The following DNAH7 variants were observed in gnomAD, a reference collection of about 807,000 sequenced individuals.
The protein encoded by DNAH7 is axonemal beta dynein heavy chain 7.
A neutral mutation model predicts 444.6 loss-of-function variants in DNAH7; 397 were observed. The ratio of observed to expected loss-of-function variants is 0.89; its 90% CI spans 0.82 to 0.97. The LOEUF is 0.97. Among genes scored for constraint, DNAH7 ranks in the 50% least tolerant of loss-of-function variants. The pLI, the probability that DNAH7 is intolerant of heterozygous loss-of-function variation, is 0.00. For synonymous variants in DNAH7, 1,636 were observed against 1,624.4 expected, an observed-to-expected ratio of 1.01 and a Z score of -0.17; for missense variants, 4,902 against 4,800.8, an observed-to-expected ratio of 1.02 and a Z score of -0.62.
chr2:195,965,007 C>T (rs75251318), intron 17 of DNAH7, among the ~76,000 whole-genome samples: 1 of 152,132 alleles, frequency 6.6e-6, no homozygotes. Context: ...TATGTTGACT[C>T]ACAGTGGTGA....
intron 34 of DNAH7, among the ~76,000 whole-genome samples, chr2:195,885,158 A>C (rs376038550): frequency 8.3e-4 from 127 of 152,374 alleles, no homozygotes; most frequent in African/African-American, 3.0e-3. Context: ...CACTTTAATA[A>C]GGCAAATAAC....
At chr2:195,924,705 C>T (rs1688226236) in intron 22 of DNAH7, among the ~76,000 whole-genome samples, 1 of 151,252 alleles carries the variant, frequency 6.6e-6, no homozygotes, top group Non-Finnish European at 1.5e-5. Context: ...TCTAGTAACT[C>T]TCACATAAGC....
At chr2:196,023,945 G>A (rs1160290167) in intron 8 of DNAH7, among the ~76,000 whole-genome samples, 6 of 152,314 alleles carry the variant, frequency 3.9e-5, no homozygotes, top group Admixed American at 3.9e-4. Flanking sequence ...GTGACTGGTT[G>A]GTGGAGGAGT....
chr2:195,878,663 T>C (rs1242078329), intron 36 of DNAH7, among the ~76,000 whole-genome samples: 1 of 152,146 alleles, frequency 6.6e-6, no homozygotes, highest in East Asian at 1.9e-4. Flanking sequence ...TGTGAACAGT[T>C]TGGCAGTGAG....
intron 40 of DNAH7, among the ~76,000 whole-genome samples, chr2:195,869,166 T>G (rs923243437): frequency 7.9e-5 from 12 of 151,932 alleles, no homozygotes; most frequent in African/African-American, 2.9e-4. Context: ...GCGTCCCTTC[T>G]AGAGTGCTTC....
rs772538046 is a variant in DNAH7 at position 195,777,920 on chromosome 2, A to T, written c.10944T>A (p.Asp3648Glu). The change falls in exon 59 of 65, where the codon GAT (aspartate) becomes GAA (glutamate). Residue 3648 changes from aspartate (D) to glutamate (E), a missense_variant. By Grantham distance (45) the Asp-to-Glu change is conservative (BLOSUM62 2). Transcript: ENST00000312428. ...GECNYGGRVT[D>E]DWDRRTLRSI... ...TGCGCAGCGTGCGCCGGTCCCAGTC[A>T]TCGGTCACTCTGCCTCCGTAATTGC... is the stretch of plus-strand genomic sequence containing the variant. 2.5e-6 allele frequency: 4 copies of T among 1,614,074 alleles called. No individual in the cohort carries two copies. The highest frequency in any genetic ancestry group is 3.4e-6 in the Non-Finnish European group (4 of 1,180,020).
intron 9 of DNAH7, among the ~76,000 whole-genome samples, chr2:196,016,411 G>T (rs1414605481): frequency 6.6e-6 from 1 of 152,126 alleles, no homozygotes; most frequent in Non-Finnish European, 1.5e-5. Context: ...CAAAAGAAAA[G>T]AAATGACAAA....
rs766703917 is a variant in DNAH7 at position 195,789,623 on chromosome 2, C to T, written c.10717-2452G>A. On this transcript the variant is annotated intron_variant, in intron 57 of 64. Transcript: ENST00000312428. Reference sequence around the variant, plus strand: ...TATACAGTGAGGAAATAAGGCAATACTTTGTCTTGGTGATCAGAATTAGTA... The same window carrying T: ...TATACAGTGAGGAAATAAGGCAATATTTTGTCTTGGTGATCAGAATTAGTA... 5.5e-4 allele frequency among the ~76,000 whole-genome samples: 84 copies of T among 152,014 alleles called. 1 individual carries two copies. The highest frequency in any genetic ancestry group is 1.3e-4 in the Non-Finnish European group (9 of 68,004).
chr2:195,763,430 A>G (rs1694438475), intron 61 of DNAH7, among the ~76,000 whole-genome samples: 1 of 152,214 alleles, frequency 6.6e-6, no homozygotes, highest in East Asian at 1.9e-4. Flanking sequence ...TAATCAACAA[A>G]ATGAAAAGTT....
intron 24 of DNAH7, among the ~76,000 whole-genome samples, chr2:195,912,126 G>C (rs1007828185): frequency 1.3e-5 from 2 of 152,154 alleles, no homozygotes; most frequent in Non-Finnish European, 2.9e-5. Context: ...GTAAGTGAGT[G>C]ATCAGGAGTG....
chr2:195,804,975 G>T (rs893943821), intron 54 of DNAH7, among the ~76,000 whole-genome samples: 1 of 152,036 alleles, frequency 6.6e-6, no homozygotes, highest in Non-Finnish European at 1.5e-5. Context: ...AACCTCCAAT[G>T]ATTTAAAAAC....
rs768300477 is a variant in DNAH7, at chr2:195,988,060, T to A, written c.1523A>T (p.Asp508Val). ...ATTTTCTGCGAGGAAGTTATCAACA[T>A]CTCGCTCAGCTTTTCTGGTAATTAA... ...DFLITRKAER[D>V]VDNFLAENHS... The change falls in exon 13 of 65, where the codon GAT (aspartate) becomes GTT (valine). Residue 508 changes from aspartate (D) to valine (V), a missense_variant. By Grantham distance (152) the Asp-to-Val change is radical. Coordinates refer to ENST00000312428, the MANE Select transcript of DNAH7 (RefSeq NM_018897.3). 2 of 1,613,560 alleles carry A rather than the reference T, an allele frequency of 1.2e-6. No homozygotes were observed. Among genetic ancestry groups the A allele is most frequent in the Admixed American group, 1.7e-5 (1 of 59,918 alleles).
chr2:195,756,396 G>C, intron 61 of DNAH7, 111 bp from the exon 62 acceptor site: 1 of 992,138 alleles, frequency 1.0e-6, no homozygotes, highest in Non-Finnish European at 1.4e-6. Context: ...ATTGTGATTA[G>C]TTAAGGTTGA....
chr2:195,757,290 G>T (rs1027134929), intron 61 of DNAH7, among the ~76,000 whole-genome samples: 1 of 152,090 alleles, frequency 6.6e-6, no homozygotes, highest in South Asian at 2.1e-4. Flanking sequence ...TATAAAATTA[G>T]AAAAATTACA....
At chr2:195,770,328 CTTTATA>C (rs573300009) in intron 61 of DNAH7, among the ~76,000 whole-genome samples, 88 of 152,292 alleles carry the variant, frequency 5.8e-4, no homozygotes, top group African/African-American at 2.0e-3. Context: ...GAAGCCTTCT[CTTTATA>C]TTTATACTTT....
At chr2:195,772,167 AG>A (rs1344339740) in intron 60 of DNAH7, among the ~76,000 whole-genome samples, 4 of 152,206 alleles carry the variant, frequency 2.6e-5, no homozygotes, top group Admixed American at 6.5e-5. Flanking sequence ...CTTGGCTGCC[AG>A]GGTACAGGGG....
chr2:195,789,179 T>C (rs548170271), intron 57 of DNAH7, among the ~76,000 whole-genome samples: 3 of 152,056 alleles, frequency 2.0e-5, no homozygotes, highest in Non-Finnish European at 4.4e-5. Flanking sequence ...TTTTTTTTTT[T>C]AATATGGAAC....
At chr2:195,919,659 T>G (rs1353446976) in intron 24 of DNAH7, among the ~76,000 whole-genome samples, 2 of 152,158 alleles carry the variant, frequency 1.3e-5, no homozygotes, top group African/African-American at 2.4e-5. Flanking sequence ...AGTCTACTTT[T>G]TTAAAGGAAG....
intron 15 of DNAH7, among the ~76,000 whole-genome samples, chr2:195,975,900 A>T (rs1692157441): frequency 6.6e-6 from 1 of 152,132 alleles, no homozygotes; most frequent in Non-Finnish European, 1.5e-5. Context: ...GCACTGAATA[A>T]TCAGGAGCAG....
Sources: gnomAD v4.1 joint callset for allele counts (sites outside exome capture counted in the v4.1 genomes callset) on GRCh38, gnomAD v4.1.1 for gene constraint, MANE v1.5 for transcripts, NCBI Gene and HGNC (gene_info 2026-07-23, HGNC 2026-07-21) for gene names.